Variants in PPP2R2C observed in about 807,000 individuals in gnomAD.
PPP2R2C encodes protein phosphatase 2 regulatory subunit Bgamma.
In PPP2R2C, 10 loss-of-function variants were observed where a neutral mutation model predicts 45.3. That is an observed-to-expected ratio of 0.22 (90% CI 0.14 to 0.37). The LOEUF (loss-of-function observed/expected upper bound fraction) is 0.37, where lower values mean the gene tolerates loss of function less well. PPP2R2C is among the 10% of genes least tolerant of loss of function. PPP2R2C has a pLI of 1.00. For synonymous variants in PPP2R2C, 257 were observed against 245.4 expected, an observed-to-expected ratio of 1.05 and a Z score of -0.44; for missense variants, 308 against 619.7, an observed-to-expected ratio of 0.50 and a Z score of 5.34.
At chr4:6,421,912 A>G (rs970029002) in intron 1 of PPP2R2C, among the ~76,000 whole-genome samples, 1 of 152,212 alleles carries the variant, frequency 6.6e-6, no homozygotes, top group Non-Finnish European at 1.5e-5. Flanking sequence ...CCGATAACCA[A>G]ATGCTTTGCA....
chr4:6,369,289 A>G (rs910003617), intron 5 of PPP2R2C, among the ~76,000 whole-genome samples: 2 of 152,222 alleles, frequency 1.3e-5, no homozygotes, highest in Non-Finnish European at 2.9e-5. Context: ...GTGCAGACGA[A>G]GCAGTCTACT....
intron 1 of PPP2R2C, among the ~76,000 whole-genome samples, chr4:6,467,772 C>T (rs1388054658): frequency 6.6e-6 from 1 of 152,170 alleles, no homozygotes; most frequent in Non-Finnish European, 1.5e-5. Context: ...ACTGGAAGTT[C>T]AGAGGCGGCC....
chr4:6,473,936 T>A (rs1249668969), upstream of PPP2R2C, among the ~76,000 whole-genome samples: 1 of 152,192 alleles, frequency 6.6e-6, no homozygotes, highest in African/African-American at 2.4e-5. Flanking sequence ...AGGGCTGGCC[T>A]GGGGAGAGGC....
At chr4:6,421,691 G>A (rs1577169988) in intron 1 of PPP2R2C, among the ~76,000 whole-genome samples, 1 of 142,948 alleles carries the variant, frequency 7.0e-6, no homozygotes, top group East Asian at 2.1e-4. Context: ...GCATAGGACG[G>A]CCGAGGGGGA....
At chr4:6,377,755 CGT>C (rs1715449412) in intron 3 of PPP2R2C, among the ~76,000 whole-genome samples, 1 of 152,064 alleles carries the variant, frequency 6.6e-6, no homozygotes, top group Non-Finnish European at 1.5e-5. Flanking sequence ...GGGCAGGGGG[CGT>C]GAGTGGGGGA....
chr4:6,431,939 G>T (rs1283078601), intron 1 of PPP2R2C, among the ~76,000 whole-genome samples: 5 of 152,120 alleles, frequency 3.3e-5, no homozygotes. Context: ...TGTCTGGGGA[G>T]GGCCTCTTCA....
At chr4:6,430,872 C>T (rs1365236902) in intron 1 of PPP2R2C, among the ~76,000 whole-genome samples, 2 of 152,138 alleles carry the variant, frequency 1.3e-5, no homozygotes, top group African/African-American at 2.4e-5. Context: ...TTGCAGTGAG[C>T]CAAGATCGCA....
chr4:6,403,081 G>A (rs1717533961), intron 1 of PPP2R2C, among the ~76,000 whole-genome samples: 1 of 152,230 alleles, frequency 6.6e-6, no homozygotes, highest in Admixed American at 6.5e-5. Context: ...GGGCCACTTT[G>A]GGCTAATTAG....
intron 2 of PPP2R2C, among the ~76,000 whole-genome samples, chr4:6,531,564 T>C (rs1234629772): frequency 4.6e-5 from 2 of 43,250 alleles, no homozygotes; most frequent in Admixed American, 2.5e-4. Context: ...CGTTTTCCTT[T>C]TTTTTTTTTT....
At chr4:6,550,091 C>T (rs917336319) in intron 1 of PPP2R2C, among the ~76,000 whole-genome samples, 3 of 152,134 alleles carry the variant, frequency 2.0e-5, no homozygotes, top group South Asian at 2.1e-4. Context: ...GCTCATCCCA[C>T]GGGCCTGGGC....
chr4:6,326,013 T>A (rs1731910136), intron 8 of PPP2R2C, among the ~76,000 whole-genome samples: 1 of 152,224 alleles, frequency 6.6e-6, no homozygotes, highest in Non-Finnish European at 1.5e-5. Context: ...GCACTCCCTA[T>A]CCCTGTGAGC....
upstream of PPP2R2C, among the ~76,000 whole-genome samples, chr4:6,475,168 C>G (rs1184975448): frequency 6.6e-6 from 1 of 151,286 alleles, no homozygotes; most frequent in Non-Finnish European, 1.5e-5. Context: ...GAGGAGAAGG[C>G]GGGAATGGAG....
At chr4:6,417,583 C>T (rs1240843220) in intron 1 of PPP2R2C, among the ~76,000 whole-genome samples, 1 of 152,248 alleles carries the variant, frequency 6.6e-6, no homozygotes, top group Non-Finnish European at 1.5e-5. Flanking sequence ...ACACCCATGC[C>T]AGGACCCTCT....
At chr4:6,347,808 CAAT>C in intron 6 of PPP2R2C, 35 bp downstream of exon 6, 3 of 1,531,418 alleles carry the variant, frequency 2.0e-6, no homozygotes, top group African/African-American at 1.4e-5. Flanking sequence ...CCCGCCTGCC[CAAT>C]GCACAGCCCC....
chr4:6,436,512 G>A lies in PPP2R2C; in HGVS notation c.70+35648C>T, dbSNP rs76772059. 1.2e-3 allele frequency among the ~76,000 whole-genome samples: 177 copies of A among 152,306 alleles called. 3 individuals are homozygous for A. In the East Asian group the frequency reaches 0.034, roughly 29 times the overall value. ...TGCATTTCCATTTGTTCCATTTGTT[G>A]CTTCAGGATCATTTCCAAAAGGAGA... On this transcript the variant is annotated intron_variant, in intron 1 of 8. Coordinates refer to ENST00000382599, the MANE Select transcript of PPP2R2C (RefSeq NM_020416.4).
At chr4:6,422,516 C>T (rs530453317) in intron 1 of PPP2R2C, among the ~76,000 whole-genome samples, 11 of 152,238 alleles carry the variant, frequency 7.2e-5, no homozygotes, top group Non-Finnish European at 1.3e-4. Context: ...GACTGTGCCA[C>T]TTAAACAAAA....
intron 1 of PPP2R2C, among the ~76,000 whole-genome samples, chr4:6,466,429 G>T (rs73207854): frequency 0.09 from 13,634 of 152,240 alleles, 817 homozygotes; most frequent in Non-Finnish European, 0.13. Flanking sequence ...GCCAGCCCTG[G>T]AGCAAAGCCC....
chr4:6,376,823 G>A (rs1715343749), intron 3 of PPP2R2C, among the ~76,000 whole-genome samples: 1 of 152,182 alleles, frequency 6.6e-6, no homozygotes. Flanking sequence ...CTGTCCCCCA[G>A]GGCCTGCCCT....
chr4:6,362,051 G>A (rs1210640334), intron 5 of PPP2R2C, among the ~76,000 whole-genome samples: 2 of 152,042 alleles, frequency 1.3e-5, no homozygotes, highest in East Asian at 1.9e-4. Flanking sequence ...GGGGTGAGGG[G>A]GTTGAAGAGG....
Sources: gnomAD v4.1 joint callset for allele counts (sites outside exome capture counted in the v4.1 genomes callset) on GRCh38, gnomAD v4.1.1 for gene constraint, MANE v1.5 for transcripts, NCBI Gene and HGNC (gene_info 2026-07-23, HGNC 2026-07-21) for gene names.